Variants in ZFP64 observed in about 807,000 individuals in gnomAD.
ZFP64 encodes the protein zinc finger protein 64.
In ZFP64, 14 loss-of-function variants were observed where a neutral mutation model predicts 51.6. The observed-to-expected ratio is 0.27, with a 90% CI of 0.18 to 0.42. The LOEUF (loss-of-function observed/expected upper bound fraction) is 0.42. Ranked by LOEUF, ZFP64 falls within the 10% of genes least tolerant of loss-of-function variation. The probability of loss-of-function intolerance (pLI) is 1.00; values close to 1 mark genes in which losing one functional copy is unlikely to be tolerated. For synonymous variants in ZFP64, 375 were observed against 361.4 expected, an observed-to-expected ratio of 1.04 and a Z score of -0.43; for missense variants, 754 against 906.8, an observed-to-expected ratio of 0.83 and a Z score of 2.16.
chr20:52,122,034 G>A (rs897336191), intron 5 of ZFP64, among the ~76,000 whole-genome samples: 1 of 152,110 alleles, frequency 6.6e-6, no homozygotes, highest in African/African-American at 2.4e-5. Flanking sequence ...AAAGCCCACT[G>A]TTGAAACCTA....
At chr20:52,090,379 A>G (rs528063288) in intron 7 of ZFP64, among the ~76,000 whole-genome samples, 1 of 152,358 alleles carries the variant, frequency 6.6e-6, no homozygotes, top group South Asian at 2.1e-4. Flanking sequence ...ATGACTTGGT[A>G]TCACACTTAA....
At chr20:52,141,699 A>G (rs1980263101) in intron 5 of ZFP64, among the ~76,000 whole-genome samples, 1 of 152,252 alleles carries the variant, frequency 6.6e-6, no homozygotes, top group Admixed American at 6.5e-5. Context: ...GACTCCTGGT[A>G]AAGATGTTCT....
intron 5 of ZFP64, among the ~76,000 whole-genome samples, chr20:52,157,282 A>G (rs1426697742): frequency 6.6e-6 from 1 of 152,232 alleles, no homozygotes; most frequent in Non-Finnish European, 1.5e-5. Flanking sequence ...AGTTTAGAAA[A>G]AGAGGCAAGA....
chr20:52,172,793 A>T (rs1182764583), intron 2 of ZFP64, among the ~76,000 whole-genome samples: 1 of 152,074 alleles, frequency 6.6e-6, no homozygotes, highest in East Asian at 1.9e-4. Flanking sequence ...GTTTAGTGAG[A>T]TCAGACCCTG....
At chr20:52,095,076 T>G (rs1453310403) in intron 7 of ZFP64, among the ~76,000 whole-genome samples, 1 of 152,220 alleles carries the variant, frequency 6.6e-6, no homozygotes, top group Non-Finnish European at 1.5e-5. Context: ...GTTAATTTAC[T>G]TAAGCAATCC....
intron 5 of ZFP64, chr20:52,117,628 CA>C (rs1978946612): frequency 2.2e-6 from 1 of 456,234 alleles, no homozygotes; most frequent in Non-Finnish European, 4.4e-6. Flanking sequence ...CAAAAGAAAA[CA>C]AAACAAAACA....
chr20:52,103,513 G>A (rs2079075747), intron 5 of ZFP64, among the ~76,000 whole-genome samples: 3 of 152,200 alleles, frequency 2.0e-5, no homozygotes, highest in African/African-American at 7.2e-5. Context: ...AGTACTCCAG[G>A]ACGCACGACA....
intron 2 of ZFP64, among the ~76,000 whole-genome samples, chr20:52,179,510 G>C (rs1347887998): frequency 6.6e-6 from 1 of 152,176 alleles, no homozygotes; most frequent in Non-Finnish European, 1.5e-5. Context: ...TTGGGTGGTG[G>C]GAAAATAAGA....
intron 5 of ZFP64, among the ~76,000 whole-genome samples, chr20:52,159,139 A>T (rs1001198447): frequency 1.3e-5 from 2 of 152,236 alleles, no homozygotes; most frequent in Non-Finnish European, 2.9e-5. Flanking sequence ...TTGTCCAGTC[A>T]ACTTCCTGCT....
intron 5 of ZFP64, among the ~76,000 whole-genome samples, chr20:52,113,422 C>CTTTTTTTTTTT (rs936439409): frequency 1.0e-5 from 1 of 96,530 alleles, no homozygotes; most frequent in Non-Finnish European, 2.0e-5. Context: ...GCCAGGAATT[C>CTTTTTTTTTTT]TTTTTTTTTT....
In ZFP64 at chr20:52,153,245, T is replaced by C. The variant is rs538351597; in HGVS notation, c.947A>G (p.Lys316Arg). ...IRIKHSGNNF[K>R]CPHCDFLGDS... ...ACCCAGGAAGTCGCAATGAGGACAC[T>C]TGAAGTTATTCCCGCTGTGCTTGAT... The change falls in exon 6 of 6, where the codon AAG becomes AGG. Residue 316 changes from lysine to arginine, a missense_variant. By Grantham distance (26) the Lys-to-Arg change is conservative (BLOSUM62 2). Around this residue, in one of 3 missense-constraint regions of ZFP64, gnomAD observed 231 missense variants for 336.7 expected, o/e 0.69. Coordinates refer to ENST00000216923, the MANE Select transcript of ZFP64 (RefSeq NM_018197.3). The surrounding 1 kb of genome is among the most constrained non-coding windows in gnomAD (Gnocchi z 5.1). 2.5e-6 allele frequency: 4 copies of C among 1,614,230 alleles called. No homozygotes were observed. Among genetic ancestry groups the C allele is most frequent in the East Asian group, 4.5e-5 (2 of 44,882 alleles).
At chr20:52,092,387 T>C (rs1422933577) in intron 7 of ZFP64, among the ~76,000 whole-genome samples, 1 of 152,178 alleles carries the variant, frequency 6.6e-6, no homozygotes, top group African/African-American at 2.4e-5. Context: ...GGTGAAATCA[T>C]ACCTAGTTGA....
At position 52,096,718 on chromosome 20, in the gene ZFP64, G is replaced by A. The variant is rs193041187; in HGVS notation, c.976+655C>T. The A allele has an allele frequency of 2.7e-3, 522 of 190,686 alleles. 7 individuals carry two copies. Among genetic ancestry groups the A allele is most frequent in the African/African-American group, 0.01 (442 of 43,168 alleles). The allele number at this position is 190,686 out of a possible 1,614,324, so 11.8% of individuals were successfully genotyped here. ...AGCCTGGCCAACATGGCAAAACCCCGTCTCTACTAAAAATAGAAAAATTAG... is the reference window on the plus strand; with the variant it reads ...AGCCTGGCCAACATGGCAAAACCCCATCTCTACTAAAAATAGAAAAATTAG... On this transcript the variant is annotated intron_variant, in intron 7 of 8. Transcript: ENST00000361387.
intron 4 of ZFP64, among the ~76,000 whole-genome samples, chr20:52,163,279 T>G (rs1057110977): frequency 6.6e-6 from 1 of 152,180 alleles, no homozygotes; most frequent in Non-Finnish European, 1.5e-5. Context: ...GAGAATCGCT[T>G]GAACCTGGGA....
intron 2 of ZFP64, among the ~76,000 whole-genome samples, chr20:52,175,297 A>AT (rs1600805754): frequency 6.6e-6 from 1 of 151,656 alleles, no homozygotes; most frequent in South Asian, 2.1e-4. Context: ...TAATTTTTGT[A>AT]TTTTTTGTAG....
chr20:52,097,440 A>G (rs1222050749), intron 6 of ZFP64: 12 of 1,596,042 alleles, frequency 7.5e-6, no homozygotes, highest in East Asian at 2.2e-5. Context: ...GGCAACCTAG[A>G]AAAGAAAAAT....
intron 2 of ZFP64, among the ~76,000 whole-genome samples, chr20:52,171,559 G>A (rs1451188520): frequency 2.6e-5 from 4 of 151,866 alleles, no homozygotes; most frequent in Non-Finnish European, 5.9e-5. Flanking sequence ...GCGCCATCTT[G>A]GCTCACTGCA....
intron 5 of ZFP64, among the ~76,000 whole-genome samples, chr20:52,113,328 C>T (rs1346134420): frequency 1.5e-5 from 2 of 135,528 alleles, no homozygotes; most frequent in African/African-American, 2.7e-5. Flanking sequence ...AGCAAGACTC[C>T]GCCTCAAAAA....
At chr20:52,117,668 T>A (rs1039466017) in intron 5 of ZFP64, 3 of 456,462 alleles carry the variant, frequency 6.6e-6, no homozygotes, top group African/African-American at 4.0e-5. Context: ...TGTGACTTCT[T>A]CTATGAACAG....
Sources: gnomAD v4.1 joint callset for allele counts (sites outside exome capture counted in the v4.1 genomes callset) on GRCh38, gnomAD v4.1.1 for gene constraint, gnomAD v4.1.1 regional missense constraint, Gnocchi (gnomAD v3.1) non-coding constraint, MANE v1.5 for transcripts, NCBI Gene and HGNC (gene_info 2026-07-23, HGNC 2026-07-21) for gene names.